Variants in PRKAG2 observed in about 807,000 individuals in gnomAD.
The protein encoded by PRKAG2 is 5'-AMP-activated protein kinase subunit gamma-2.
PRKAG2 carries 26 observed loss-of-function variants against 69.6 expected under a neutral mutation model. That is an observed-to-expected ratio of 0.37 (90% CI 0.27 to 0.52). PRKAG2 has a LOEUF of 0.52. Among genes scored for constraint, PRKAG2 ranks in the 20% least tolerant of loss-of-function variants. The pLI is 0.90. For missense variants in PRKAG2, 557 were observed against 740.0 expected (o/e 0.75, Z 2.87); for synonymous variants, 293 against 285.0 (o/e 1.03, Z -0.28).
chr7:151,600,340 CA>C (rs994361911), intron 5 of PRKAG2, among the ~76,000 whole-genome samples: 1 of 152,168 alleles, frequency 6.6e-6, no homozygotes, highest in African/African-American at 2.4e-5. Context: ...AGCTAATTAG[CA>C]AAACAAGTGT....
At chr7:151,840,787 C>G (rs1342475567) in intron 1 of PRKAG2, among the ~76,000 whole-genome samples, 1 of 152,276 alleles carries the variant, frequency 6.6e-6, no homozygotes, top group East Asian at 1.9e-4. Flanking sequence ...GAGCGAGGAG[C>G]TGCCCACCCG....
At chr7:151,860,969 C>A (rs1477723893) in intron 1 of PRKAG2, among the ~76,000 whole-genome samples, 2 of 152,120 alleles carry the variant, frequency 1.3e-5, no homozygotes, top group African/African-American at 4.8e-5. Flanking sequence ...TTTCTGCCCG[C>A]CACCTCAACT....
intron 6 of PRKAG2, among the ~76,000 whole-genome samples, chr7:151,582,208 G>A (rs756962914): frequency 2.0e-5 from 3 of 152,118 alleles, no homozygotes; most frequent in Admixed American, 6.5e-5. Flanking sequence ...GGAGTGCAGT[G>A]GCAGGAACAT....
intron 1 of PRKAG2, among the ~76,000 whole-genome samples, chr7:151,831,550 T>C (rs2079025614): frequency 6.6e-6 from 1 of 152,226 alleles, no homozygotes; most frequent in African/African-American, 2.4e-5. Context: ...TTTCTGGTCA[T>C]CACACCTTAG....
At chr7:151,601,160 C>T (rs2727572) in intron 5 of PRKAG2, among the ~76,000 whole-genome samples, 54,265 of 151,940 alleles carry the variant, frequency 0.36, 11,955 homozygotes, top group East Asian at 0.54. Flanking sequence ...CGGTTATCCA[C>T]CCTCAAAGCT....
At chr7:151,575,190 T>C (rs929622062) in intron 7 of PRKAG2, among the ~76,000 whole-genome samples, 2 of 152,208 alleles carry the variant, frequency 1.3e-5, no homozygotes, top group African/African-American at 4.8e-5. Flanking sequence ...CCAGAGAATT[T>C]GGCAAATCAA....
chr7:151,604,988 G>A (rs1442182456), intron 5 of PRKAG2, among the ~76,000 whole-genome samples: 1 of 152,076 alleles, frequency 6.6e-6, no homozygotes, highest in Non-Finnish European at 1.5e-5. Flanking sequence ...TAAAGCACTC[G>A]ACCAAACAAA....
At chr7:151,565,587 CCCTTGGTGCTGAATTTATTCA>C in intron 12 of PRKAG2, 112 bp downstream of exon 12, 1 of 1,264,462 alleles carries the variant, frequency 7.9e-7, no homozygotes, top group East Asian at 2.4e-5. Flanking sequence ...TCCTGCGTGC[CCCTTGGTGCTGAATTTATTCA>C]CCATACCCAA....
chr7:151,557,256 G>C, intron 15 of PRKAG2, 24 bp from the exon 16 acceptor site: 1 of 1,613,960 alleles, frequency 6.2e-7, no homozygotes, highest in Non-Finnish European at 8.5e-7. Flanking sequence ...GAAGATGAAA[G>C]TTTCAAAGCT....
At chr7:151,685,586 T>A (rs1454538301) in intron 3 of PRKAG2, among the ~76,000 whole-genome samples, 1 of 151,868 alleles carries the variant, frequency 6.6e-6, no homozygotes, top group Non-Finnish European at 1.5e-5. Flanking sequence ...CTGGGCAACA[T>A]AGTGAGACCC....
intron 3 of PRKAG2, among the ~76,000 whole-genome samples, chr7:151,689,810 G>A (rs780937493): frequency 3.9e-5 from 6 of 152,144 alleles, no homozygotes; most frequent in Admixed American, 3.3e-4. Context: ...ACGGGTTGGG[G>A]AGGCTGGGAC....
chr7:151,622,113 G>A (rs541991033), intron 5 of PRKAG2, among the ~76,000 whole-genome samples: 6 of 152,300 alleles, frequency 3.9e-5, no homozygotes, highest in Non-Finnish European at 8.8e-5. Context: ...AGAGAGGTAA[G>A]TGAATATATT....
intron 1 of PRKAG2, among the ~76,000 whole-genome samples, chr7:151,808,093 C>T (rs1262537927): frequency 6.6e-6 from 1 of 152,136 alleles, no homozygotes; most frequent in Non-Finnish European, 1.5e-5. Context: ...GCGGGGCTCC[C>T]CACCCATCAC....
chr7:151,814,341 GA>G lies in PRKAG2; in HGVS notation c.115-27801del. 9.6e-7 allele frequency: 1 copy of G among 1,047,022 alleles called. No homozygotes were observed. The highest frequency in any genetic ancestry group is 1.2e-6 in the Non-Finnish European group (1 of 834,280). The allele number at this position is 1,047,022 out of a possible 1,614,324, so 64.9% of individuals were successfully genotyped here. ...ACACACCAAGGAGACAAAGCATCGTGAGGGGGAAAACCGCACACCCAGGGAC... is the reference window on the plus strand; with the variant it reads ...ACACACCAAGGAGACAAAGCATCGTGGGGGGAAAACCGCACACCCAGGGAC... On this transcript the variant is annotated intron_variant, in intron 1 of 15. Transcript: ENST00000287878. The surrounding 1 kb of genome is among the most constrained non-coding windows in gnomAD (Gnocchi z 4.8).
At chr7:151,785,817 C>T (rs1297213463) in intron 2 of PRKAG2, among the ~76,000 whole-genome samples, 3 of 152,058 alleles carry the variant, frequency 2.0e-5, no homozygotes, top group Non-Finnish European at 2.9e-5. Context: ...ACGGCCACCT[C>T]GACCCTCACC....
At chr7:151,860,026 G>A (rs60745002) in intron 1 of PRKAG2, among the ~76,000 whole-genome samples, 26,314 of 152,186 alleles carry the variant, frequency 0.17, 2,401 homozygotes, top group South Asian at 0.24. Context: ...TGGGCTGACG[G>A]AGGTGGCCGG....
At chr7:151,729,244 A>C (rs1001664775) in intron 3 of PRKAG2, among the ~76,000 whole-genome samples, 2 of 152,144 alleles carry the variant, frequency 1.3e-5, no homozygotes, top group Non-Finnish European at 2.9e-5. Flanking sequence ...CTGTCCCATC[A>C]TCCCAAATGC....
At position 151,579,109 on chromosome 7, in the gene PRKAG2, G is replaced by GC. The variant is rs1164914826; in HGVS notation, c.865-2658dup. On this transcript the variant is annotated intron_variant, in intron 6 of 15. Coordinates refer to ENST00000287878, the MANE Select transcript of PRKAG2 (RefSeq NM_016203.4). ...TTTCCTCACTGCACCCCTCCCCGCT[G>GC]CCCCTGCCGGGCTCAAGTGATTCTC... 4.6e-5 allele frequency among the ~76,000 whole-genome samples: 7 copies of GC among 152,226 alleles called. No individual in the cohort carries two copies. The East Asian group carries it at 1.2e-3, about 25-fold the overall frequency.
intron 3 of PRKAG2, among the ~76,000 whole-genome samples, chr7:151,691,144 C>T (rs938109508): frequency 2.6e-5 from 4 of 152,078 alleles, no homozygotes; most frequent in Admixed American, 6.6e-5. Context: ...TGCAAGTCCC[C>T]GATATAAAAT....
Sources: gnomAD v4.1 joint callset for allele counts (sites outside exome capture counted in the v4.1 genomes callset) on GRCh38, gnomAD v4.1.1 for gene constraint, Gnocchi (gnomAD v3.1) non-coding constraint, MANE v1.5 for transcripts, NCBI Gene and HGNC (gene_info 2026-07-23, HGNC 2026-07-21) for gene names.